Variants in NELL1 observed in about 807,000 individuals in gnomAD.
NELL1 encodes neural EGFL like 1.
Under a neutral mutation model 107.4 loss-of-function variants are expected in NELL1, and 76 were observed. The ratio of observed to expected loss-of-function variants is 0.71; its 90% CI spans 0.59 to 0.86. The LOEUF is 0.86. Among genes scored for constraint, NELL1 ranks in the 40% least tolerant of loss-of-function variants. The pLI is 0.00. For synonymous variants in NELL1, 353 were observed against 341.2 expected (o/e 1.03, Z -0.38); for missense variants, 1,024 against 1,005.5 (o/e 1.02, Z -0.25).
intron 4 of NELL1, among the ~76,000 whole-genome samples, chr11:20,862,265 C>A (rs564532762): frequency 1.3e-5 from 2 of 150,870 alleles, no homozygotes; most frequent in African/African-American, 4.9e-5. Context: ...GAAGCTAATA[C>A]CAGTATCTGG....
At chr11:20,797,755 G>T (rs1309830751) in intron 3 of NELL1, among the ~76,000 whole-genome samples, 1 of 152,112 alleles carries the variant, frequency 6.6e-6, no homozygotes, top group Non-Finnish European at 1.5e-5. Context: ...GTGATGCCCA[G>T]GGTTCTGGCT....
chr11:21,353,207 C>T (rs1404799680), intron 14 of NELL1, among the ~76,000 whole-genome samples: 3 of 152,166 alleles, frequency 2.0e-5, no homozygotes, highest in African/African-American at 7.2e-5. Context: ...AAAGCAAATT[C>T]AGCATGATTG....
chr11:21,157,089 C>A (rs538928134), intron 13 of NELL1, among the ~76,000 whole-genome samples: 1 of 149,372 alleles, frequency 6.7e-6, no homozygotes, highest in Non-Finnish European at 1.5e-5. Context: ...GGCAACAGAG[C>A]GAGAGTCTGA....
intron 10 of NELL1, among the ~76,000 whole-genome samples, chr11:20,942,715 G>A (rs771723342): frequency 2.3e-4 from 35 of 152,186 alleles, no homozygotes; most frequent in Non-Finnish European, 4.4e-4. Context: ...CTTCTAGGAA[G>A]GGAAAACAGT....
At chr11:21,317,629 G>T (rs1849907000) in intron 14 of NELL1, among the ~76,000 whole-genome samples, 1 of 151,956 alleles carries the variant, frequency 6.6e-6, no homozygotes, top group Admixed American at 6.6e-5. Flanking sequence ...ATATAGATAA[G>T]TATGGACATA....
At chr11:20,985,000 T>A (rs1350637028) in intron 12 of NELL1, among the ~76,000 whole-genome samples, 1 of 152,304 alleles carries the variant, frequency 6.6e-6, no homozygotes, top group East Asian at 1.9e-4. Flanking sequence ...TGTTTCAGGT[T>A]GATTGGGTCA....
At chr11:21,365,986 T>A (rs906148813) in intron 14 of NELL1, among the ~76,000 whole-genome samples, 16 of 152,132 alleles carry the variant, frequency 1.1e-4, no homozygotes, top group Non-Finnish European at 1.9e-4. Context: ...CATTGTAGGA[T>A]GTTTAAACAT....
chr11:21,554,504 A>T (rs1005849552), intron 16 of NELL1, among the ~76,000 whole-genome samples: 1 of 151,812 alleles, frequency 6.6e-6, no homozygotes, highest in African/African-American at 2.4e-5. Flanking sequence ...ATCATAAGAG[A>T]TCAGGAGTGG....
intron 12 of NELL1, among the ~76,000 whole-genome samples, chr11:20,996,691 T>C (rs896657278): frequency 6.6e-6 from 1 of 152,184 alleles, no homozygotes; most frequent in Non-Finnish European, 1.5e-5. Context: ...AAATTACAAC[T>C]TTTTTCTGTG....
chr11:21,389,268 G>T (rs952437144), intron 15 of NELL1, among the ~76,000 whole-genome samples: 6 of 151,682 alleles, frequency 4.0e-5, no homozygotes, highest in African/African-American at 1.5e-4. Context: ...TTTGAGACTG[G>T]GATGTCCATC....
intron 14 of NELL1, among the ~76,000 whole-genome samples, chr11:21,305,470 T>C (rs774130793): frequency 7.2e-5 from 11 of 151,992 alleles, no homozygotes; most frequent in Middle Eastern, 3.2e-3. Context: ...AAATTAATCA[T>C]AATTGCCATT....
chr11:21,303,362 G>A (rs1446431307), intron 14 of NELL1, among the ~76,000 whole-genome samples: 1 of 151,774 alleles, frequency 6.6e-6, no homozygotes, highest in Non-Finnish European at 1.5e-5. Context: ...TTGCTAACAG[G>A]TATGTGAAAA....
intron 12 of NELL1, among the ~76,000 whole-genome samples, chr11:20,973,490 G>T (rs574818681): frequency 2.6e-5 from 4 of 152,108 alleles, no homozygotes; most frequent in East Asian, 1.9e-4. Flanking sequence ...CTTTATATCC[G>T]CAGCCTAGCA....
At chr11:21,256,931 C>T (rs1005960455) in intron 14 of NELL1, among the ~76,000 whole-genome samples, 17 of 152,132 alleles carry the variant, frequency 1.1e-4, no homozygotes, top group African/African-American at 3.9e-4. Context: ...CAGCTGTGCA[C>T]AGCAGGAACC....
At chr11:21,158,075 A>G (rs1299111578) in intron 13 of NELL1, among the ~76,000 whole-genome samples, 1 of 152,120 alleles carries the variant, frequency 6.6e-6, no homozygotes, top group Non-Finnish European at 1.5e-5. Flanking sequence ...ACGTGGAAGG[A>G]CTAGACTCGC....
chr11:21,422,530 C>T (rs1042130258), intron 15 of NELL1, among the ~76,000 whole-genome samples: 2 of 151,850 alleles, frequency 1.3e-5, no homozygotes, highest in African/African-American at 4.8e-5. Flanking sequence ...TAACACAATG[C>T]ACAAAGATGT....
Position 20,765,692 on chromosome 11 carries a change from G to A in NELL1, c.185-17988G>A, listed in dbSNP as rs564246055. Among the ~76,000 whole-genome samples the A allele has an allele frequency of 4.6e-5, 7 of 152,226 alleles. No homozygotes were observed. In the South Asian group the frequency reaches 1.5e-3, roughly 32 times the overall value. ...GAATCTAAAGAAGGGCCAAGAAGGA[G>A]GCCAAGAAGGAGGGAAGAGGTGAGG... is the stretch of plus-strand genomic sequence containing the variant. On this transcript the variant is annotated intron_variant, in intron 2 of 19. Transcript: ENST00000357134.
chr11:21,325,462 G>C (rs540629476), intron 14 of NELL1, among the ~76,000 whole-genome samples: 1 of 152,070 alleles, frequency 6.6e-6, no homozygotes, highest in South Asian at 2.1e-4. Context: ...GAGAATTCTT[G>C]TTTTGCCACC....
intron 3 of NELL1, among the ~76,000 whole-genome samples, chr11:20,835,453 G>T (rs1484552017): frequency 6.6e-6 from 1 of 152,128 alleles, no homozygotes; most frequent in African/African-American, 2.4e-5. Flanking sequence ...ATTTGAATTT[G>T]TGTTGTAGAT....
Sources: gnomAD v4.1 joint callset for allele counts (sites outside exome capture counted in the v4.1 genomes callset) on GRCh38, gnomAD v4.1.1 for gene constraint, MANE v1.5 for transcripts, NCBI Gene and HGNC (gene_info 2026-07-23, HGNC 2026-07-21) for gene names.